Variants in ITGAV observed in about 807,000 individuals in gnomAD.
The protein encoded by ITGAV is integrin alpha-V.
In ITGAV, 76 loss-of-function variants were observed where a neutral mutation model predicts 143.8. That is an observed-to-expected ratio of 0.53 (90% CI 0.44 to 0.64). The LOEUF is 0.64. Ranked by LOEUF, ITGAV falls within the 30% of genes least tolerant of loss-of-function variation. The pLI is 0.00. For synonymous variants in ITGAV, 453 were observed against 446.7 expected, an observed-to-expected ratio of 1.01 and a Z score of -0.18; for missense variants, 1,193 against 1,274.7, an observed-to-expected ratio of 0.94 and a Z score of 0.98.
chr2:186,610,865 A>G (rs1687196387), intron 2 of ITGAV, among the ~76,000 whole-genome samples: 1 of 152,210 alleles, frequency 6.6e-6, no homozygotes, highest in Admixed American at 6.5e-5. Flanking sequence ...TATTGAGACT[A>G]TTCATGTAGC....
In ITGAV at chr2:186,590,170, C is replaced by T. The variant is rs1686570279; in HGVS notation, c.-169C>T. On this transcript the variant is annotated 5_prime_UTR_variant, in exon 1 of 30. Coordinates refer to ENST00000261023, the MANE Select transcript of ITGAV (RefSeq NM_002210.5). ...CGCCCCTCGTCCCTGGCGGTCGCTC[C>T]GAAGCTCAGCCCTCTTGCCTGCCCC... The T allele has an allele frequency of 4.0e-6, 2 of 504,610 alleles. No individual in the cohort carries two copies. The highest frequency in any genetic ancestry group is 3.7e-5 in the East Asian group (1 of 26,946). The allele number at this position is 504,610 out of a possible 1,614,324, so 31.3% of individuals were successfully genotyped here.
chr2:186,662,014 A>G lies in ITGAV; in HGVS notation c.1858-1754A>G, dbSNP rs1338519762. ...TTCTGAAACTATCTTTCCTGACAGCATATTTTAATACTATGGCTGCTTCAA... is the reference window on the plus strand; with the variant it reads ...TTCTGAAACTATCTTTCCTGACAGCGTATTTTAATACTATGGCTGCTTCAA... On this transcript the variant is annotated intron_variant, in intron 18 of 29. Transcript: ENST00000261023. 3.3e-5 allele frequency among the ~76,000 whole-genome samples: 5 copies of G among 152,192 alleles called. 1 individual carries two copies. Among genetic ancestry groups the G allele is most frequent in the Admixed American group, 2.6e-4 (4 of 15,276 alleles).
At chr2:186,625,734 C>T in intron 4 of ITGAV, 147 bp downstream of exon 4, 2 of 462,902 alleles carry the variant, frequency 4.3e-6, no homozygotes, top group Non-Finnish European at 7.6e-6. Flanking sequence ...AAAATGAAAA[C>T]AATCCTACTA....
chr2:186,621,923 C>T (rs1687537207), intron 2 of ITGAV, among the ~76,000 whole-genome samples: 1 of 152,090 alleles, frequency 6.6e-6, no homozygotes, highest in Non-Finnish European at 1.5e-5. Flanking sequence ...ACGTCTCAGT[C>T]TTGTCTTTTA....
At chr2:186,625,797 C>T (rs1687663205) in intron 4 of ITGAV, among the ~76,000 whole-genome samples, 2 of 152,054 alleles carry the variant, frequency 1.3e-5, no homozygotes. Context: ...TCTAAGAACT[C>T]ATTTTCATCT....
chr2:186,645,812 A>T (rs1688240560), intron 12 of ITGAV, among the ~76,000 whole-genome samples: 2 of 151,796 alleles, frequency 1.3e-5, no homozygotes, highest in Admixed American at 1.3e-4. Context: ...CTGAAAAAAA[A>T]ACAAAAAAAA....
chr2:186,624,803 TTAA>T (rs1475273562), intron 3 of ITGAV, among the ~76,000 whole-genome samples: 5 of 152,216 alleles, frequency 3.3e-5, no homozygotes, highest in African/African-American at 1.2e-4. Flanking sequence ...TTTTACTCTC[TTAA>T]TAAACTATTT....
intron 17 of ITGAV, among the ~76,000 whole-genome samples, chr2:186,658,341 C>T (rs188038485): frequency 9.2e-5 from 14 of 152,212 alleles, no homozygotes; most frequent in Non-Finnish European, 1.5e-4. Flanking sequence ...ACAAAGTCCA[C>T]CAATACCTAT....
intron 2 of ITGAV, among the ~76,000 whole-genome samples, chr2:186,612,993 A>G (rs1312336849): frequency 6.6e-6 from 1 of 152,164 alleles, no homozygotes; most frequent in African/African-American, 2.4e-5. Context: ...TAATTCCTTT[A>G]CTACTAACTG....
intron 2 of ITGAV, among the ~76,000 whole-genome samples, chr2:186,608,012 G>T (rs1421457334): frequency 2.0e-5 from 3 of 152,210 alleles, no homozygotes; most frequent in South Asian, 4.1e-4. Context: ...TATCATTTCT[G>T]GGGGGCAAGA....
chr2:186,625,678 T>TGTGTGTGTGTGTGTGTGA lies in ITGAV; in HGVS notation c.523+92_523+93insTGTGTGTGTGTGTGTGAG, dbSNP rs5836988. On this transcript the variant is annotated intron_variant, in intron 4 of 29. Transcript: ENST00000261023. ...GTGTGTGTGGGTGTGTGTGTGTGTGTGAGAGAGAGAGATATTAAAAGATAT... is the reference window on the plus strand; with the variant it reads ...GTGTGTGTGGGTGTGTGTGTGTGTGTGTGTGTGTGTGTGTGTGAGAGAGAGAGAGATATTAAAAGATAT... 1,511 of 452,974 alleles carry TGTGTGTGTGTGTGTGTGA rather than the reference T, an allele frequency of 3.3e-3. 11 individuals are homozygous for TGTGTGTGTGTGTGTGTGA. The highest frequency in any genetic ancestry group is 0.024 in the African/African-American group (1,150 of 48,898). 28.1% of individuals were successfully genotyped at this position (452,974 alleles called of 1,614,324 possible). A position where few individuals can be genotyped will look rare whatever the true frequency, so the allele number is the denominator to read the frequency against.
rs1459024388 is a variant in ITGAV, at chr2:186,664,474, T to C, written c.1926-20T>C. On this transcript the variant is annotated intron_variant, in intron 19 of 29. Coordinates refer to ENST00000261023, the MANE Select transcript of ITGAV (RefSeq NM_002210.5). Reference sequence around the variant, plus strand: ...TGTAGTCTTTTTTTCTCAGTCTGGATTTGTATTGTTAACTTGTAGTGATCA... The same window carrying C: ...TGTAGTCTTTTTTTCTCAGTCTGGACTTGTATTGTTAACTTGTAGTGATCA... 1 of 1,610,564 alleles carries C rather than the reference T, an allele frequency of 6.2e-7. No homozygotes were observed. Among genetic ancestry groups the C allele is most frequent in the Non-Finnish European group, 8.5e-7 (1 of 1,178,266 alleles).
chr2:186,630,922 A>T, intron 5 of ITGAV, 64 bp downstream of exon 5: 1 of 847,216 alleles, frequency 1.2e-6, no homozygotes, highest in Non-Finnish European at 1.9e-6. Context: ...TGTGGTTAAA[A>T]ATAAACTGGT....
At chr2:186,636,300 G>A in intron 7 of ITGAV, 93 bp downstream of exon 7, 1 of 997,522 alleles carries the variant, frequency 1.0e-6, no homozygotes, top group Non-Finnish European at 1.5e-6. Flanking sequence ...TATTTTATGT[G>A]AAATAGATTA....
intron 3 of ITGAV, among the ~76,000 whole-genome samples, chr2:186,623,791 C>A (rs1474943892): frequency 6.6e-6 from 1 of 152,146 alleles, no homozygotes; most frequent in East Asian, 1.9e-4. Flanking sequence ...TGAGCACTCA[C>A]AATCTGCCTC....
chr2:186,612,614 G>A (rs1687246019), intron 2 of ITGAV, among the ~76,000 whole-genome samples: 1 of 152,122 alleles, frequency 6.6e-6, no homozygotes, highest in South Asian at 2.1e-4. Flanking sequence ...TATTTTCTGG[G>A]TATAACTAGG....
Position 186,678,432 on chromosome 2 carries a change from C to T in ITGAV, c.*1140C>T. On this transcript the variant is annotated 3_prime_UTR_variant, in exon 30 of 30. Coordinates refer to ENST00000261023, the MANE Select transcript of ITGAV (RefSeq NM_002210.5). ...AGGCAACTCACTGATTTACTTCTAGCAATAGCATGATGTTACAGGAATATT... is the reference window on the plus strand; with the variant it reads ...AGGCAACTCACTGATTTACTTCTAGTAATAGCATGATGTTACAGGAATATT... 5.5e-6 allele frequency: 1 copy of T among 180,888 alleles called. No individual in the cohort carries two copies. The highest frequency in any genetic ancestry group is 1.2e-5 in the Non-Finnish European group (1 of 86,378). 11.2% of individuals were successfully genotyped at this position (180,888 alleles called of 1,614,324 possible).
chr2:186,600,011 T>G (rs974930198), intron 1 of ITGAV, among the ~76,000 whole-genome samples: 5 of 152,208 alleles, frequency 3.3e-5, no homozygotes, highest in Non-Finnish European at 7.3e-5. Flanking sequence ...GCTTTCCCCA[T>G]AGGGCATAAC....
At chr2:186,628,496 TA>T (rs749695761) in intron 4 of ITGAV, among the ~76,000 whole-genome samples, 1 of 151,922 alleles carries the variant, frequency 6.6e-6, no homozygotes, top group African/African-American at 2.4e-5. Flanking sequence ...GAGAAGAGCA[TA>T]AAAAACAACC....
Sources: allele counts gnomAD v4.1 joint callset (sites outside exome capture counted in the v4.1 genomes callset), GRCh38; gene constraint gnomAD v4.1.1; transcripts MANE v1.5; gene names NCBI Gene and HGNC (gene_info 2026-07-23, HGNC 2026-07-21).